Variants in PARD3B observed in about 807,000 individuals in gnomAD.
The protein encoded by PARD3B is partitioning defective 3 homolog B.
PARD3B carries 103 observed loss-of-function variants against 130.2 expected under a neutral mutation model. The ratio of observed to expected loss-of-function variants is 0.79; its 90% confidence interval spans 0.67 to 0.93. The LOEUF is 0.93. Ranked by LOEUF, PARD3B falls within the 40% of genes least tolerant of loss-of-function variation. The pLI is 0.00. For synonymous variants in PARD3B, 583 were observed against 553.2 expected, an observed-to-expected ratio of 1.05 and a Z score of -0.76; for missense variants, 1,609 against 1,499.2, an observed-to-expected ratio of 1.07 and a Z score of -1.21.
chr2:205,586,068 G>A (rs780747343), intron 22 of PARD3B, among the ~76,000 whole-genome samples: 1 of 152,178 alleles, frequency 6.6e-6, no homozygotes, highest in Non-Finnish European at 1.5e-5. Context: ...TTCATAGTGT[G>A]TATTTATTTG....
At chr2:205,576,132 A>G (rs569624764) in intron 22 of PARD3B, among the ~76,000 whole-genome samples, 8 of 152,216 alleles carry the variant, frequency 5.3e-5, no homozygotes, top group East Asian at 3.9e-4. Flanking sequence ...CGTATGATGC[A>G]GAGTATCTTT....
intron 19 of PARD3B, among the ~76,000 whole-genome samples, chr2:205,415,901 T>G (rs2046758460): frequency 6.6e-6 from 1 of 152,174 alleles, no homozygotes; most frequent in South Asian, 2.1e-4. Flanking sequence ...TATCACAGAT[T>G]AAACCCGAAA....
In PARD3B at chr2:204,967,621, G is replaced by A. The variant is rs1691364225; in HGVS notation, c.394+2298G>A. Reference sequence around the variant, plus strand: ...AAAATCATCCCTTACCCACTTTCATGGTTCTAGCAGTTTGAGTACTTTGCA... The same window carrying A: ...AAAATCATCCCTTACCCACTTTCATAGTTCTAGCAGTTTGAGTACTTTGCA... On this transcript the variant is annotated intron_variant, in intron 3 of 22. Coordinates refer to ENST00000406610, the MANE Select transcript of PARD3B (RefSeq NM_001302769.2). This position sits in a 1 kb window ranked among gnomAD's most constrained non-coding sequence, Gnocchi z 4.4. Among the ~76,000 whole-genome samples, 1 of 152,136 alleles carries A rather than the reference G, an allele frequency of 6.6e-6. No homozygotes were observed. Among genetic ancestry groups the A allele is most frequent in the South Asian group, 2.1e-4 (1 of 4,832 alleles).
At chr2:204,850,476 AT>A (rs746670326) in intron 2 of PARD3B, among the ~76,000 whole-genome samples, 17 of 138,614 alleles carry the variant, frequency 1.2e-4, no homozygotes, top group African/African-American at 4.0e-4. Flanking sequence ...GTCAAAAAAA[AT>A]ATGTATATAT....
chr2:204,628,018 T>C (rs142004230), intron 1 of PARD3B, among the ~76,000 whole-genome samples: 4,408 of 151,390 alleles, frequency 0.029, 96 homozygotes, highest in Admixed American at 0.056. Flanking sequence ...TAGTGATCAT[T>C]AGTAGTTAGT....
At chr2:204,987,639 A>G (rs1693279819) in intron 3 of PARD3B, among the ~76,000 whole-genome samples, 2 of 152,202 alleles carry the variant, frequency 1.3e-5, no homozygotes, top group African/African-American at 4.8e-5. Context: ...GAATGCATAA[A>G]CAAATCAAAT....
intron 10 of PARD3B, among the ~76,000 whole-genome samples, chr2:205,137,271 C>G (rs904492652): frequency 3.3e-5 from 5 of 152,002 alleles, no homozygotes; most frequent in Non-Finnish European, 7.4e-5. Flanking sequence ...TGGTCAGGCC[C>G]TAGATAGATT....
At chr2:204,717,100 T>C (rs576211581) in intron 2 of PARD3B, among the ~76,000 whole-genome samples, 3 of 152,280 alleles carry the variant, frequency 2.0e-5, no homozygotes, top group African/African-American at 4.8e-5. Flanking sequence ...CCCTTAATTA[T>C]CGCAGAATGA....
chr2:204,781,547 G>T (rs2041835295), intron 2 of PARD3B, among the ~76,000 whole-genome samples: 1 of 152,152 alleles, frequency 6.6e-6, no homozygotes, highest in East Asian at 1.9e-4. Flanking sequence ...GCAAATTAAA[G>T]ATTTTGGCAA....
At chr2:205,429,753 C>A (rs1424141565) in intron 19 of PARD3B, among the ~76,000 whole-genome samples, 7 of 152,146 alleles carry the variant, frequency 4.6e-5, no homozygotes, top group Non-Finnish European at 2.9e-5. Flanking sequence ...TAACAGATTA[C>A]CATCAACTTG....
chr2:205,514,977 C>T (rs576795969), intron 21 of PARD3B, among the ~76,000 whole-genome samples: 1 of 151,944 alleles, frequency 6.6e-6, no homozygotes, highest in Non-Finnish European at 1.5e-5. Flanking sequence ...TTTTCTGCTC[C>T]TCTCCCTCCC....
intron 1 of PARD3B, among the ~76,000 whole-genome samples, chr2:204,559,931 C>A (rs2031199142): frequency 6.6e-6 from 1 of 151,774 alleles, no homozygotes. Context: ...AGCAAACTAT[C>A]ACAAAGACAG....
At chr2:204,825,208 T>C (rs2043522551) in intron 2 of PARD3B, among the ~76,000 whole-genome samples, 1 of 152,222 alleles carries the variant, frequency 6.6e-6, no homozygotes, top group Non-Finnish European at 1.5e-5. Context: ...TGAAAGCAGT[T>C]GATTTGCATT....
intron 1 of PARD3B, among the ~76,000 whole-genome samples, chr2:204,589,020 G>T (rs2032959005): frequency 6.6e-6 from 1 of 151,988 alleles, no homozygotes; most frequent in Non-Finnish European, 1.5e-5. Context: ...TAAAAATTTT[G>T]ATGTTAAGAC....
intron 3 of PARD3B, among the ~76,000 whole-genome samples, chr2:204,993,536 TTC>T (rs2125248942): frequency 8.7e-6 from 1 of 115,036 alleles, no homozygotes; most frequent in Non-Finnish European, 1.8e-5. Flanking sequence ...TGGTCTAAAA[TTC>T]TCTTTTTTGG....
Position 205,563,349 on chromosome 2 carries a change from T to C in PARD3B, c.3260+9946T>C, listed in dbSNP as rs924639143. 3.9e-5 allele frequency among the ~76,000 whole-genome samples: 6 copies of C among 152,328 alleles called. No individual in the cohort carries two copies. Among genetic ancestry groups the C allele is most frequent in the East Asian group, 3.9e-4 (2 of 5,190 alleles). ...ATTTTATCCTCACTGTCCAGCTGGC[T>C]AGGAGTCATATGATGCTCCTTTAAT... On this transcript the variant is annotated intron_variant, in intron 22 of 22. Coordinates refer to ENST00000406610, the MANE Select transcript of PARD3B (RefSeq NM_001302769.2). This position sits in a 1 kb window ranked among gnomAD's most constrained non-coding sequence, Gnocchi z 4.2.
intron 2 of PARD3B, among the ~76,000 whole-genome samples, chr2:204,881,529 G>C (rs1239541837): frequency 6.6e-6 from 1 of 151,764 alleles, no homozygotes; most frequent in Non-Finnish European, 1.5e-5. Flanking sequence ...GGACTCACCA[G>C]TGTTATTTTG....
chr2:205,184,427 A>G (rs1345801213), intron 13 of PARD3B, among the ~76,000 whole-genome samples: 1 of 152,164 alleles, frequency 6.6e-6, no homozygotes, highest in Admixed American at 6.6e-5. Context: ...AACAGTATGC[A>G]TTTACAAATC....
intron 1 of PARD3B, among the ~76,000 whole-genome samples, chr2:204,557,428 C>G (rs1387807032): frequency 6.6e-6 from 1 of 152,130 alleles, no homozygotes; most frequent in Non-Finnish European, 1.5e-5. Context: ...CAGAAATTTC[C>G]TTTGATGCTT....
Sources: allele counts gnomAD v4.1 joint callset (sites outside exome capture counted in the v4.1 genomes callset), GRCh38; gene constraint gnomAD v4.1.1; non-coding constraint Gnocchi (gnomAD v3.1); transcripts MANE v1.5; gene names NCBI Gene and HGNC (gene_info 2026-07-23, HGNC 2026-07-21).